The following SMARCC1 variants were observed in gnomAD, a reference collection of about 807,000 sequenced individuals.
SMARCC1 encodes SWI/SNF related BAF chromatin remodeling complex subunit C1.
Under a neutral mutation model 147.4 loss-of-function variants are expected in SMARCC1, and 43 were observed. The ratio of observed to expected loss-of-function variants is 0.29; its 90% confidence interval spans 0.23 to 0.38. SMARCC1 has a LOEUF of 0.38. Among genes scored for constraint, SMARCC1 ranks in the 10% least tolerant of loss-of-function variants. SMARCC1 has a pLI of 1.00. For missense variants in SMARCC1, 1,119 were observed against 1,381.1 expected (o/e 0.81, Z 3.01); for synonymous variants, 495 against 484.4 (o/e 1.02, Z -0.29).
chr3:47,611,207 G>A (rs949399137), intron 25 of SMARCC1, among the ~76,000 whole-genome samples: 2 of 152,090 alleles, frequency 1.3e-5, no homozygotes, highest in African/African-American at 2.4e-5. Flanking sequence ...TAAGCATAAG[G>A]AGGGTTAATA....
intron 2 of SMARCC1, among the ~76,000 whole-genome samples, chr3:47,749,736 C>A (rs375267816): frequency 4.5e-5 from 5 of 110,860 alleles, no homozygotes; most frequent in Admixed American, 1.0e-4. Flanking sequence ...GAGAAAGAGA[C>A]AGAGAGAGAG....
chr3:47,697,132 GCGGTATGGCAAGAC>G (rs2033862636), intron 11 of SMARCC1, among the ~76,000 whole-genome samples: 1 of 152,112 alleles, frequency 6.6e-6, no homozygotes. Context: ...ACCAGCTTGG[GCGGTATGGCAAGAC>G]CGTGTCTCTA....
chr3:47,668,847 T>C (rs1338213905), intron 19 of SMARCC1, among the ~76,000 whole-genome samples: 2 of 149,310 alleles, frequency 1.3e-5, no homozygotes, highest in South Asian at 2.1e-4. Context: ...ACTGCGCTAC[T>C]GCACACTAGC....
At chr3:47,608,465 T>C (rs981904250) in intron 26 of SMARCC1, among the ~76,000 whole-genome samples, 7 of 152,146 alleles carry the variant, frequency 4.6e-5, no homozygotes, top group Non-Finnish European at 1.5e-5. Flanking sequence ...TTATAATGGA[T>C]GATCCGACTG....
rs2034220440 is a variant in SMARCC1, at chr3:47,720,594, T to TA, written c.716+71dup. On this transcript the variant is annotated intron_variant, in intron 7 of 27. Transcript: ENST00000254480. ...CAACAAATTGTCACTATTCAGAAAA[T>TA]AAAACTATAAATAAATGTGCCTTCC... 3.9e-6 allele frequency: 4 copies of TA among 1,037,448 alleles called. No individual in the cohort carries two copies. The East Asian group carries it at 9.6e-5, about 25-fold the overall frequency. The allele number at this position is 1,037,448 out of a possible 1,614,324, so 64.3% of individuals were successfully genotyped here.
chr3:47,693,189 G>C, intron 12 of SMARCC1, 52 bp downstream of exon 12: 3 of 1,012,954 alleles, frequency 3.0e-6, no homozygotes, highest in Admixed American at 1.8e-5. Context: ...CAAAGGAGAT[G>C]ACATATTCAA....
intron 2 of SMARCC1, among the ~76,000 whole-genome samples, chr3:47,767,217 A>C (rs957101337): frequency 2.6e-4 from 32 of 124,014 alleles, no homozygotes; most frequent in East Asian, 4.9e-4. Context: ...AAAAGGTTCC[A>C]CTCTGATTTT....
intron 24 of SMARCC1, among the ~76,000 whole-genome samples, chr3:47,629,619 T>C (rs1445275820): frequency 6.6e-6 from 1 of 152,250 alleles, no homozygotes; most frequent in Non-Finnish European, 1.5e-5. Context: ...TTGTAAAAAG[T>C]CCAACTACTC....
chr3:47,676,764 C>G lies in SMARCC1; in HGVS notation c.1590G>C (p.Glu530Asp), dbSNP rs1036275052. 1 of 1,613,486 alleles carries G rather than the reference C, an allele frequency of 6.2e-7. No individual in the cohort carries two copies. Among genetic ancestry groups the G allele is most frequent in the Non-Finnish European group, 8.5e-7 (1 of 1,179,954 alleles). Residue 530 changes from glutamate (E) to aspartate (D), a missense_variant, in exon 17 of 28, where the codon GAG becomes GAC. Coordinates refer to ENST00000254480, the MANE Select transcript of SMARCC1 (RefSeq NM_003074.4). The stretch of plus-strand genomic sequence containing the variant: ...CTTGGTAATTAACGAGTCCCCACTG[C>G]TCTAAAAAGGCATGGACCCTAAAGA... ...CAVMRVHAFL[E>D]QWGLVNYQVD...
chr3:47,708,075 T>TTTTTTTTCTTTTTTTC (rs1366478076), intron 9 of SMARCC1, among the ~76,000 whole-genome samples: 1,187 of 84,726 alleles, frequency 0.014, 29 homozygotes, highest in Non-Finnish European at 0.02. Context: ...TGAAGTTGAA[T>TTTTTTTTCTTTTTTTC]TTTTTTTCTT....
intron 19 of SMARCC1, chr3:47,663,551 G>A (rs2033379727): frequency 1.7e-6 from 2 of 1,168,450 alleles, no homozygotes; most frequent in Non-Finnish European, 2.5e-6. Context: ...TTCAAGGCCA[G>A]CCTGACAAAC....
At chr3:47,760,917 G>A (rs2034765649) in intron 2 of SMARCC1, among the ~76,000 whole-genome samples, 1 of 152,038 alleles carries the variant, frequency 6.6e-6, no homozygotes. Flanking sequence ...CAGATCACTT[G>A]AGGTCAGTAG....
intron 14 of SMARCC1, among the ~76,000 whole-genome samples, chr3:47,683,328 G>A (rs1242893103): frequency 6.6e-6 from 1 of 151,982 alleles, no homozygotes; most frequent in Non-Finnish European, 1.5e-5. Flanking sequence ...TTGCAGGTGT[G>A]AGCCATCGCG....
intron 21 of SMARCC1, among the ~76,000 whole-genome samples, chr3:47,651,395 A>G (rs534467218): frequency 6.6e-6 from 1 of 152,350 alleles, no homozygotes; most frequent in Non-Finnish European, 1.5e-5. Flanking sequence ...ATTTTACAAT[A>G]GCCCACAAAT....
intron 26 of SMARCC1, among the ~76,000 whole-genome samples, chr3:47,596,575 A>C (rs1424969730): frequency 6.6e-6 from 1 of 151,582 alleles, no homozygotes; most frequent in East Asian, 1.9e-4. Flanking sequence ...TCAAAAAAAA[A>C]AAAATAAATA....
intron 21 of SMARCC1, among the ~76,000 whole-genome samples, chr3:47,643,531 A>G (rs1480144569): frequency 1.3e-5 from 2 of 148,418 alleles, no homozygotes; most frequent in South Asian, 4.2e-4. Context: ...AACAAAAAAG[A>G]AAAAAAAAAG....
At chr3:47,613,420 G>A (rs1325906076) in intron 25 of SMARCC1, among the ~76,000 whole-genome samples, 3 of 143,312 alleles carry the variant, frequency 2.1e-5, no homozygotes, top group Non-Finnish European at 4.5e-5. Flanking sequence ...GTCTTGCTCT[G>A]TCGCCCAGGC....
At chr3:47,650,526 T>G (rs901386823) in intron 21 of SMARCC1, among the ~76,000 whole-genome samples, 1 of 151,690 alleles carries the variant, frequency 6.6e-6, no homozygotes, top group Non-Finnish European at 1.5e-5. Context: ...GCATAAAATG[T>G]GGCCTTGGGT....
rs201019472 is a variant in SMARCC1 at position 47,772,925 on chromosome 3, C to T, written c.207G>A (p.Ala69=). The T allele has an allele frequency of 4.3e-6, 7 of 1,611,648 alleles. No individual in the cohort carries two copies. Among genetic ancestry groups the T allele is most frequent in the East Asian group, 4.5e-5 (2 of 44,834 alleles). Residue 69 remains alanine, a synonymous_variant, in exon 2 of 28, where the codon GCG becomes GCA. Coordinates refer to ENST00000254480, the MANE Select transcript of SMARCC1 (RefSeq NM_003074.4). ...CCAGTGTTTTATTGGTAGGAGCATC[C>T]GCATGAACATACTGCAAGATAAAGA... ...LGKHYKKYVH[A]DAPTNKTLAG...
Sources: gnomAD v4.1 joint callset for allele counts (sites outside exome capture counted in the v4.1 genomes callset) on GRCh38, gnomAD v4.1.1 for gene constraint, MANE v1.5 for transcripts, NCBI Gene and HGNC (gene_info 2026-07-23, HGNC 2026-07-21) for gene names.